Variants in C19orf47 observed in about 807,000 individuals in gnomAD.
C19orf47 encodes the protein chromosome 19 open reading frame 47.
C19orf47 carries 18 observed loss-of-function variants against 32.3 expected under a neutral mutation model. That is an observed-to-expected ratio of 0.56 (90% CI 0.39 to 0.83). The LOEUF (loss-of-function observed/expected upper bound fraction) is 0.83. Among genes scored for constraint, C19orf47 ranks in the 40% least tolerant of loss-of-function variants. C19orf47 has a pLI of 0.00. For synonymous variants in C19orf47, 202 were observed against 211.1 expected, an observed-to-expected ratio of 0.96 and a Z score of 0.37; for missense variants, 484 against 531.6, an observed-to-expected ratio of 0.91 and a Z score of 0.88.
Position 40,320,416 on chromosome 19 carries a change from A to G in C19orf47, c.*1466T>C, listed in dbSNP as rs4525604. 0.97 allele frequency: 150,652 copies of G among 155,064 alleles called. 73,204 individuals are homozygous for G. The highest frequency in any genetic ancestry group is 0.98 in the African/African-American group (40,803 of 41,438). 9.6% of individuals were successfully genotyped at this position (155,064 alleles called of 1,614,324 possible). A position where few individuals can be genotyped will look rare whatever the true frequency, so the allele number is the denominator to read the frequency against. On this transcript the variant is annotated 3_prime_UTR_variant, in exon 9 of 9. Coordinates refer to ENST00000683109, the MANE Select transcript of C19orf47 (RefSeq NM_001256441.2). ...CTGCCTCATGCTGGAGGCAGGGCCC[A>G]CCCTCACCCACAGCCACCAGCCTTC... is the stretch of plus-strand genomic sequence containing the variant.
chr19:40,341,658 C>T, intron 2 of C19orf47, 181 bp downstream of exon 2: 1 of 800,506 alleles, frequency 1.2e-6, no homozygotes, highest in Non-Finnish European at 1.9e-6. Context: ...GGAGAGAGAT[C>T]CAGTGATGAG....
Position 40,321,440 on chromosome 19 carries a change from A to T in C19orf47, c.*442T>A, listed in dbSNP as rs998113750. The T allele has an allele frequency of 6.0e-6, 6 of 1,003,854 alleles. No homozygotes were observed. The highest frequency in any genetic ancestry group is 7.1e-6 in the Non-Finnish European group (6 of 841,146). The allele number at this position is 1,003,854 out of a possible 1,614,324, so 62.2% of individuals were successfully genotyped here. On this transcript the variant is annotated 3_prime_UTR_variant, in exon 9 of 9. Coordinates refer to ENST00000683109, the MANE Select transcript of C19orf47 (RefSeq NM_001256441.2). ...ACAGCAGTGGGGGGAGGCGCAGAGG[A>T]GTGAGGGAGGTCAGTGGGGAGTGGG...
At chr19:40,346,595 C>G (rs759310738) in intron 1 of C19orf47, among the ~76,000 whole-genome samples, 1 of 147,134 alleles carries the variant, frequency 6.8e-6, no homozygotes, top group Non-Finnish European at 1.5e-5. Context: ...GGCGTGATCT[C>G]GTCTCACTGC....
At chr19:40,326,883 G>A (rs1156282840) in intron 6 of C19orf47, among the ~76,000 whole-genome samples, 2 of 152,154 alleles carry the variant, frequency 1.3e-5, no homozygotes, top group African/African-American at 4.8e-5. Flanking sequence ...ACTTATGAGT[G>A]GTGGATTGTG....
At chr19:40,329,380 C>T (rs1422204406) in intron 5 of C19orf47, among the ~76,000 whole-genome samples, 1 of 152,018 alleles carries the variant, frequency 6.6e-6, no homozygotes, top group African/African-American at 2.4e-5. Flanking sequence ...GTGGCATGTG[C>T]CTGTAGTCCC....
At chr19:40,296,025 C>T in the C19orf47 span, among the ~76,000 whole-genome samples, 2 of 152,170 alleles carry the variant, frequency 1.3e-5, no homozygotes, top group South Asian at 2.1e-4. Flanking sequence ...GGATTACAGG[C>T]ATGAACCAAC....
At chr19:40,324,962 A>C (rs1467781606) in intron 7 of C19orf47, among the ~76,000 whole-genome samples, 3 of 151,036 alleles carry the variant, frequency 2.0e-5, no homozygotes, top group Non-Finnish European at 4.4e-5. Flanking sequence ...TCTGTCTCAA[A>C]AAAAAAAAAA....
chr19:40,341,859 G>A lies in C19orf47; in HGVS notation c.-2C>T, dbSNP rs1352606428. 3.9e-6 allele frequency: 6 copies of A among 1,536,072 alleles called. No homozygotes were observed. The highest frequency in any genetic ancestry group is 1.4e-5 in the African/African-American group (1 of 73,044). ...CTCACCCATAGTCACGGAGACCATC[G>A]TCTCCCTGGCCCTGACACTGCTCCC... On this transcript the variant is annotated 5_prime_UTR_variant, in exon 2 of 9. In the 5' UTR this introduces an upstream ATG that the reference lacks. Coordinates refer to ENST00000683109, the MANE Select transcript of C19orf47 (RefSeq NM_001256441.2).
the C19orf47 span, among the ~76,000 whole-genome samples, chr19:40,293,945 C>T: frequency 1.3e-5 from 2 of 151,868 alleles, no homozygotes; most frequent in Non-Finnish European, 2.9e-5. Context: ...CATGGTAAAA[C>T]CCCGTCTCTA....
At chr19:40,306,405 C>CTT in the C19orf47 span, among the ~76,000 whole-genome samples, 2 of 145,564 alleles carry the variant, frequency 1.4e-5, no homozygotes, top group Non-Finnish European at 3.0e-5. Context: ...ACTCTTGTTA[C>CTT]TTTTTTTTTT....
Position 40,321,576 on chromosome 19 carries a change from G to A in C19orf47, c.*306C>T. 1.7e-6 allele frequency: 2 copies of A among 1,153,744 alleles called. No individual in the cohort carries two copies. Among genetic ancestry groups the A allele is most frequent in the Non-Finnish European group, 2.1e-6 (2 of 934,512 alleles). 71.5% of individuals were successfully genotyped at this position (1,153,744 alleles called of 1,614,324 possible). Reference sequence around the variant, plus strand: ...TCAGGGGAAGAAGGGGAATGTAGGAGAGGAAGAAGCCCCCTGGCACTTGGG... The same window carrying A: ...TCAGGGGAAGAAGGGGAATGTAGGAAAGGAAGAAGCCCCCTGGCACTTGGG... On this transcript the variant is annotated 3_prime_UTR_variant, in exon 9 of 9. Coordinates refer to ENST00000683109, the MANE Select transcript of C19orf47 (RefSeq NM_001256441.2).
chr19:40,332,875 C>T (rs1043028562), intron 5 of C19orf47, among the ~76,000 whole-genome samples: 2 of 152,108 alleles, frequency 1.3e-5, no homozygotes, highest in African/African-American at 2.4e-5. Context: ...TTTCAGGTCC[C>T]GCTCTGTAAA....
In C19orf47 at chr19:40,336,402, A is replaced by C; in HGVS notation, c.25T>G (p.Ser9Ala). The C allele has an allele frequency of 6.2e-7, 1 of 1,613,256 alleles. No individual in the cohort carries two copies. Among genetic ancestry groups the C allele is most frequent in the Non-Finnish European group, 8.5e-7 (1 of 1,179,636 alleles). The stretch of plus-strand genomic sequence containing the variant: ...TCCTTAAAGAACTGGATCCACTCGG[A>C]AGTGGCTGTGGGGTTGGACAGGGCT... MVSVTMAT[S>A]EWIQFFKEAG... is the part of the protein sequence containing the mutation. Residue 9 changes from serine to alanine, a missense_variant, in exon 3 of 9, where the codon TCC becomes GCC. Around this residue, in one of 3 missense-constraint regions of C19orf47, gnomAD observed 57 missense variants for 86.9 expected, o/e 0.66. Transcript: ENST00000683109.
At chr19:40,324,946 C>T (rs1032651271) in intron 7 of C19orf47, among the ~76,000 whole-genome samples, 8 of 149,744 alleles carry the variant, frequency 5.3e-5, no homozygotes, top group African/African-American at 2.0e-4. Context: ...GGCAACAGAG[C>T]AAGACTCTGT....
chr19:40,330,933 G>A lies in C19orf47; in HGVS notation c.302-2383C>T, dbSNP rs139116378. On this transcript the variant is annotated intron_variant, in intron 5 of 8. Coordinates refer to ENST00000683109, the MANE Select transcript of C19orf47 (RefSeq NM_001256441.2). ...ATGTGGTGGCTGGGAGGGGGCACAG[G>A]GGGATTCTGGCAGGCTGGTCATGTT... 7.9e-5 allele frequency among the ~76,000 whole-genome samples: 12 copies of A among 152,292 alleles called. No homozygotes were observed. In the East Asian group the frequency reaches 1.7e-3, roughly 22 times the overall value.
intron 2 of C19orf47, among the ~76,000 whole-genome samples, chr19:40,341,229 G>A (rs1484897156): frequency 6.6e-6 from 1 of 151,924 alleles, no homozygotes; most frequent in Non-Finnish European, 1.5e-5. Context: ...AGCTACTTGG[G>A]AGGCTAAGAC....
chr19:40,324,163 AC>A, intron 7 of C19orf47, 87 bp from the exon 8 acceptor site: 5 of 1,292,360 alleles, frequency 3.9e-6, no homozygotes, highest in Non-Finnish European at 5.6e-6. Flanking sequence ...CAGCCCAGAC[AC>A]CAGTAGCTCT....
downstream of C19orf47, among the ~76,000 whole-genome samples, chr19:40,319,028 T>A (rs1185284299): frequency 2.0e-5 from 3 of 152,054 alleles, no homozygotes; most frequent in Non-Finnish European, 4.4e-5. Context: ...TCCCAGCACT[T>A]TGGGAGGCTG....
intron 2 of C19orf47, among the ~76,000 whole-genome samples, chr19:40,337,202 A>G (rs1488032913): frequency 6.6e-6 from 1 of 152,032 alleles, no homozygotes; most frequent in Non-Finnish European, 1.5e-5. Context: ...AATGTCCTTG[A>G]GTCACTGTGC....
Sources: allele counts gnomAD v4.1 joint callset (sites outside exome capture counted in the v4.1 genomes callset), GRCh38; gene constraint gnomAD v4.1.1; regional missense constraint gnomAD v4.1.1; transcripts MANE v1.5; gene names NCBI Gene and HGNC (gene_info 2026-07-23, HGNC 2026-07-21).